Variants in CPQ observed in about 807,000 individuals in gnomAD.
The protein encoded by CPQ is Ser-Met dipeptidase.
CPQ carries 37 observed loss-of-function variants against 45.7 expected under a neutral mutation model. The observed-to-expected ratio is 0.81, with a 90% CI of 0.62 to 1.07. The LOEUF is 1.07. Among genes scored for constraint, CPQ ranks in the 50% least tolerant of loss-of-function variants. The pLI is 0.00. For missense variants in CPQ, 537 were observed against 572.9 expected (o/e 0.94, Z 0.64); for synonymous variants, 186 against 205.8 (o/e 0.90, Z 0.82).
At chr8:97,044,951 A>T (rs540415322) in intron 6 of CPQ, among the ~76,000 whole-genome samples, 1 of 152,274 alleles carries the variant, frequency 6.6e-6, no homozygotes, top group East Asian at 1.9e-4. Flanking sequence ...GACCCACTTG[A>T]GGAGGCAGTC....
chr8:97,134,320 A>G (rs1030431804), intron 7 of CPQ, among the ~76,000 whole-genome samples: 1 of 152,256 alleles, frequency 6.6e-6, no homozygotes, highest in Admixed American at 6.5e-5. Context: ...TATTGTTTCA[A>G]CTGGTAGATA....
chr8:96,942,736 C>A (rs1006627818), intron 4 of CPQ, among the ~76,000 whole-genome samples: 2 of 152,104 alleles, frequency 1.3e-5, no homozygotes, highest in Admixed American at 6.6e-5. Context: ...ATTCCTGGGA[C>A]CCATGCTCAG....
chr8:96,800,023 G>A lies in CPQ; in HGVS notation c.433+14693G>A, dbSNP rs112798743. Among the ~76,000 whole-genome samples the A allele has an allele frequency of 9.5e-3, 1,451 of 152,224 alleles. 20 individuals carry two copies. The highest frequency in any genetic ancestry group is 0.032 in the African/African-American group (1,324 of 41,544). The stretch of plus-strand genomic sequence containing the variant: ...CAAAAATATTGCTGAATTTGATTGC[G>A]TCAGAACTTAGAATTTCTGTTCCGT... On this transcript the variant is annotated intron_variant, in intron 2 of 7. Coordinates refer to ENST00000220763, the MANE Select transcript of CPQ (RefSeq NM_016134.4).
At chr8:96,680,718 G>T (rs2130728639) in intron 1 of CPQ, among the ~76,000 whole-genome samples, 1 of 152,286 alleles carries the variant, frequency 6.6e-6, no homozygotes, top group East Asian at 1.9e-4. Flanking sequence ...TGCAGAGGTT[G>T]GAACAGTTTA....
chr8:96,917,390 G>A (rs1812747691), intron 4 of CPQ, among the ~76,000 whole-genome samples: 1 of 151,998 alleles, frequency 6.6e-6, no homozygotes, highest in African/African-American at 2.4e-5. Flanking sequence ...TGGCCATTGG[G>A]AACTCTTTCA....
chr8:96,716,164 CTG>C (rs1384945284), intron 1 of CPQ, among the ~76,000 whole-genome samples: 2 of 152,152 alleles, frequency 1.3e-5, no homozygotes, highest in African/African-American at 4.8e-5. Flanking sequence ...GGCCTGGGCG[CTG>C]TGTCATTTTA....
chr8:96,879,755 C>A (rs748991033), intron 3 of CPQ, 43 bp from the exon 4 acceptor site: 19 of 1,512,642 alleles, frequency 1.3e-5, no homozygotes, highest in Non-Finnish European at 1.7e-5. Flanking sequence ...GTCTTTTGGT[C>A]TATTTCCACT....
intron 1 of CPQ, among the ~76,000 whole-genome samples, chr8:96,765,218 A>C (rs1810451940): frequency 6.6e-6 from 1 of 152,224 alleles, no homozygotes; most frequent in Non-Finnish European, 1.5e-5. Context: ...CTGGTGGTCA[A>C]GTCATGTATT....
intron 1 of CPQ, among the ~76,000 whole-genome samples, chr8:96,671,097 A>G (rs1275229221): frequency 2.6e-5 from 4 of 152,224 alleles, no homozygotes; most frequent in African/African-American, 9.6e-5. Context: ...GTGAATCTAC[A>G]GTGATCCCAA....
intron 6 of CPQ, among the ~76,000 whole-genome samples, chr8:97,033,709 A>G (rs1809949255): frequency 1.3e-5 from 2 of 152,090 alleles, no homozygotes; most frequent in South Asian, 4.1e-4. Context: ...GGAGAAAAAC[A>G]ATACGTAGAT....
At chr8:96,988,962 T>C (rs1263307532) in intron 5 of CPQ, among the ~76,000 whole-genome samples, 2 of 152,226 alleles carry the variant, frequency 1.3e-5, no homozygotes, top group African/African-American at 4.8e-5. Context: ...ATACTTGTTG[T>C]ATATTAAAGC....
chr8:97,106,211 C>A (rs192694441), intron 7 of CPQ, among the ~76,000 whole-genome samples: 1 of 152,332 alleles, frequency 6.6e-6, no homozygotes, highest in African/African-American at 2.4e-5. Flanking sequence ...AAACCCAGGA[C>A]CAGGCACTGT....
intron 1 of CPQ, among the ~76,000 whole-genome samples, chr8:96,741,543 T>C (rs1810092371): frequency 6.6e-6 from 1 of 152,198 alleles, no homozygotes; most frequent in Non-Finnish European, 1.5e-5. Flanking sequence ...TTGTTGCTTT[T>C]CTAATTCTTT....
chr8:97,000,924 GT>G (rs1292388872), intron 5 of CPQ, among the ~76,000 whole-genome samples: 1 of 152,068 alleles, frequency 6.6e-6, no homozygotes, highest in Non-Finnish European at 1.5e-5. Flanking sequence ...TTGAACAGTG[GT>G]TTGTAGTTCT....
At chr8:96,888,090 T>G (rs1423734686) in intron 4 of CPQ, among the ~76,000 whole-genome samples, 11 of 152,222 alleles carry the variant, frequency 7.2e-5, no homozygotes, top group African/African-American at 2.7e-4. Flanking sequence ...GGCTGTCCCG[T>G]GCATTGTGGG....
rs565595387 is a variant in CPQ, at chr8:96,784,964, A to G, written c.67A>G (p.Ile23Val). 4.3e-5 allele frequency: 70 copies of G among 1,613,810 alleles called. No individual in the cohort carries two copies. In the Admixed American group the frequency reaches 7.0e-4, roughly 16 times the overall value. The stretch of plus-strand genomic sequence containing the variant: ...TTTATCCCTGTGCTCTGGGAAAGCT[A>G]TATGCAAGAATGGCATCTCTAAGAG... ...HLLSLCSGKA[I>V]CKNGISKRTF... The change falls in exon 2 of 8, where the codon ATA becomes GTA. Residue 23 changes from isoleucine (I) to valine (V), a missense_variant. Ile to Val is a conservative substitution (Grantham distance 29). Coordinates refer to ENST00000220763, the MANE Select transcript of CPQ (RefSeq NM_016134.4).
intron 7 of CPQ, among the ~76,000 whole-genome samples, chr8:97,115,844 T>C (rs1256370042): frequency 6.6e-6 from 1 of 152,254 alleles, no homozygotes; most frequent in Non-Finnish European, 1.5e-5. Flanking sequence ...ATGGAGTTTC[T>C]ACTTTAAAAA....
At chr8:97,096,702 C>G (rs1811215579) in intron 7 of CPQ, among the ~76,000 whole-genome samples, 1 of 152,192 alleles carries the variant, frequency 6.6e-6, no homozygotes, top group Admixed American at 6.5e-5. Context: ...TCTTATTACT[C>G]TGCTTTATGG....
chr8:96,955,338 C>G (rs1227169919), intron 4 of CPQ, among the ~76,000 whole-genome samples: 1 of 152,138 alleles, frequency 6.6e-6, no homozygotes, highest in Non-Finnish European at 1.5e-5. Context: ...TTGCATTTCT[C>G]TGATGGCCAG....
Sources: allele counts gnomAD v4.1 joint callset (sites outside exome capture counted in the v4.1 genomes callset), GRCh38; gene constraint gnomAD v4.1.1; transcripts MANE v1.5; gene names NCBI Gene and HGNC (gene_info 2026-07-23, HGNC 2026-07-21).